Variants in CUX2 observed in about 807,000 individuals in gnomAD.
CUX2 encodes cut like homeobox 2.
Under a neutral mutation model 144.8 loss-of-function variants are expected in CUX2, and 40 were observed. The observed-to-expected ratio is 0.28, with a 90% CI of 0.21 to 0.36. CUX2 has a LOEUF of 0.36. CUX2 is among the 10% of genes least tolerant of loss of function. The pLI, the probability that CUX2 is intolerant of heterozygous loss-of-function variation, is 1.00. For missense variants in CUX2, 1,615 were observed against 1,994.0 expected (o/e 0.81, Z 3.62); for synonymous variants, 827 against 875.6 (o/e 0.94, Z 0.98).
intron 1 of CUX2, among the ~76,000 whole-genome samples, chr12:111,145,169 G>A (rs1345484237): frequency 6.6e-6 from 1 of 152,230 alleles, no homozygotes; most frequent in African/African-American, 2.4e-5. Flanking sequence ...CACAGGATCT[G>A]TGATCTCATA....
intron 3 of CUX2, among the ~76,000 whole-genome samples, chr12:111,222,026 G>A (rs1311578194): frequency 1.2e-4 from 19 of 152,152 alleles, no homozygotes; most frequent in Admixed American, 1.2e-3. Flanking sequence ...CGAAAGCCTC[G>A]CTAATTATAA....
At chr12:111,290,349 C>T (rs1212455038) in intron 4 of CUX2, among the ~76,000 whole-genome samples, 1 of 152,162 alleles carries the variant, frequency 6.6e-6, no homozygotes, top group Non-Finnish European at 1.5e-5. Context: ...GCAGCCTCGA[C>T]CTCCCAGGCT....
At chr12:111,319,863 GATCATAATTTAGTTAGCCA>G (rs1347336652) in intron 16 of CUX2, 130 bp from the exon 17 acceptor site, 1 of 1,233,472 alleles carries the variant, frequency 8.1e-7, no homozygotes, top group African/African-American at 1.6e-5. Context: ...CACAGGGAGG[GATCATAATTTAGTTAGCCA>G]ATCCCCAGTT....
At chr12:111,321,201 G>A (rs943298015) in intron 17 of CUX2, among the ~76,000 whole-genome samples, 1 of 152,090 alleles carries the variant, frequency 6.6e-6, no homozygotes, top group Non-Finnish European at 1.5e-5. Context: ...GGGCACGGTG[G>A]CTCACACCTG....
chr12:111,066,618 C>T (rs1179226333), intron 1 of CUX2, among the ~76,000 whole-genome samples: 1 of 152,182 alleles, frequency 6.6e-6, no homozygotes, highest in African/African-American at 2.4e-5. Context: ...TCACTTTATA[C>T]AAGTGACAAG....
intron 1 of CUX2, among the ~76,000 whole-genome samples, chr12:111,165,220 A>G (rs1471196124): frequency 6.6e-6 from 1 of 152,136 alleles, no homozygotes; most frequent in Non-Finnish European, 1.5e-5. Flanking sequence ...TTATTAGGAA[A>G]ACATTTGGTG....
intron 1 of CUX2, among the ~76,000 whole-genome samples, chr12:111,213,083 C>A (rs935532553): frequency 3.9e-5 from 6 of 152,118 alleles, no homozygotes; most frequent in African/African-American, 1.4e-4. Flanking sequence ...CCCGCATCTG[C>A]GTGTGTGTTT....
intron 1 of CUX2, among the ~76,000 whole-genome samples, chr12:111,133,275 C>A (rs1875619985): frequency 6.6e-6 from 1 of 152,144 alleles, no homozygotes. Context: ...CAGCAACACC[C>A]CACTCTACTG....
chr12:111,306,775 C>T (rs1340723521), intron 10 of CUX2, 146 bp from the exon 11 acceptor site: 1 of 635,720 alleles, frequency 1.6e-6, no homozygotes, highest in African/African-American at 1.8e-5. Flanking sequence ...GTATACAACA[C>T]TTTGAATTTT....
At position 111,059,792 on chromosome 12, in the gene CUX2, G is replaced by A. The variant is rs188919590; in HGVS notation, c.63+25552G>A. 6.6e-6 allele frequency among the ~76,000 whole-genome samples: 1 copy of A among 152,074 alleles called. No homozygotes were observed. The highest frequency in any genetic ancestry group is 1.5e-5 in the Non-Finnish European group (1 of 67,994). On this transcript the variant is annotated intron_variant, in intron 1 of 21. Coordinates refer to ENST00000261726, the MANE Select transcript of CUX2 (RefSeq NM_015267.4). The surrounding 1 kb of genome is among the most constrained non-coding windows in gnomAD (Gnocchi z 5.3). ...CTCAGTCCTGGCTGGGATGCCGAGG[G>A]TGGGGGCAGTGAGGGAGGTGTTGGG...
chr12:111,228,511 C>T (rs1193286245), intron 3 of CUX2, among the ~76,000 whole-genome samples: 2 of 152,262 alleles, frequency 1.3e-5, no homozygotes, highest in African/African-American at 2.4e-5. Context: ...GCAACCTCCA[C>T]CTCCCAGGTT....
At chr12:111,113,894 T>A (rs1170157879) in intron 1 of CUX2, among the ~76,000 whole-genome samples, 1 of 152,232 alleles carries the variant, frequency 6.6e-6, no homozygotes. Context: ...TTGGGATTCA[T>A]CCACATTGTT....
In CUX2 at chr12:111,312,188, G is replaced by C. The variant is rs1565910791; in HGVS notation, c.1989G>C (p.Glu663Asp). Residue 663 changes from glutamate (E) to aspartate (D), a missense_variant, in exon 16 of 22, where the codon GAG becomes GAC. Transcript: ENST00000261726. The surrounding 1 kb of genome is among the most constrained non-coding windows in gnomAD (Gnocchi z 4.3). ...SILEQAKKEIESQKGGEPKTS... is the reference protein window; with the variant it reads ...SILEQAKKEIDSQKGGEPKTS... The stretch of plus-strand genomic sequence containing the variant: ...TAGAGCAGGCCAAGAAGGAGATCGA[G>C]TCGCAGAAGGGCGGTGAGTGTGACC... The C allele has an allele frequency of 6.2e-7, 1 of 1,608,548 alleles. No homozygotes were observed.
chr12:111,070,376 TCTTCCTTCCTTCCTTCTTTCCTTC>T (rs1460270715), intron 1 of CUX2, among the ~76,000 whole-genome samples: 23 of 124,748 alleles, frequency 1.8e-4, no homozygotes, highest in African/African-American at 6.2e-4. Context: ...CTCCCTCCCT[TCTTCCTTCCTTCCTTCTTTCCTTC>T]CTTCCTTCCT....
chr12:111,283,615 G>GA (rs1192018941), intron 4 of CUX2, among the ~76,000 whole-genome samples: 9 of 152,280 alleles, frequency 5.9e-5, no homozygotes, highest in African/African-American at 1.9e-4. Context: ...GAGGCTTGGG[G>GA]ACGCTAAGTG....
intron 1 of CUX2, among the ~76,000 whole-genome samples, chr12:111,179,106 G>C (rs1457062452): frequency 1.3e-5 from 2 of 152,126 alleles, no homozygotes; most frequent in African/African-American, 4.8e-5. Flanking sequence ...AATAGTGGGA[G>C]CCCTAGAGGG....
intron 1 of CUX2, among the ~76,000 whole-genome samples, chr12:111,195,130 A>G (rs1880161343): frequency 6.6e-6 from 1 of 152,196 alleles, no homozygotes; most frequent in Non-Finnish European, 1.5e-5. Flanking sequence ...CGTTCCTCTC[A>G]TTCAGACAAG....
chr12:111,329,007 TC>T (rs1887968587), intron 18 of CUX2, among the ~76,000 whole-genome samples: 3 of 48,298 alleles, frequency 6.2e-5, no homozygotes, highest in African/African-American at 2.7e-4. Flanking sequence ...CTCCCTCTCC[TC>T]CCCCCACCCC....
At chr12:111,329,688 T>C in intron 18 of CUX2, among the ~76,000 whole-genome samples, 1 of 152,142 alleles carries the variant, frequency 6.6e-6, no homozygotes, top group East Asian at 1.9e-4. Flanking sequence ...TAGGCTGGAG[T>C]GCAGTGGCGC....
Sources: gnomAD v4.1 joint callset for allele counts (sites outside exome capture counted in the v4.1 genomes callset) on GRCh38, gnomAD v4.1.1 for gene constraint, Gnocchi (gnomAD v3.1) non-coding constraint, MANE v1.5 for transcripts, NCBI Gene and HGNC (gene_info 2026-07-23, HGNC 2026-07-21) for gene names.